SEPTIN9: variants seen among roughly 807,000 people sequenced by gnomAD.
The protein encoded by SEPTIN9 is septin 9.
A neutral mutation model predicts 56.6 loss-of-function variants in SEPTIN9; 13 were observed. That is an observed-to-expected ratio of 0.23 (90% CI 0.15 to 0.37). The LOEUF is 0.37. Among genes scored for constraint, SEPTIN9 ranks in the 10% least tolerant of loss-of-function variants. The pLI, the probability that SEPTIN9 is intolerant of heterozygous loss-of-function variation, is 1.00. For missense variants in SEPTIN9, 650 were observed against 823.1 expected, an observed-to-expected ratio of 0.79 and a Z score of 2.57; for synonymous variants, 332 against 334.1, an observed-to-expected ratio of 0.99 and a Z score of 0.07.
At chr17:77,419,061 C>T (rs2036603720) in intron 3 of SEPTIN9, among the ~76,000 whole-genome samples, 3 of 152,238 alleles carry the variant, frequency 2.0e-5, no homozygotes, top group Admixed American at 2.0e-4. Context: ...TAGCAGCCTG[C>T]CCTGTCTCTT....
In SEPTIN9 at chr17:77,425,121, C is replaced by G. The variant is rs886374203; in HGVS notation, c.721+22418C>G. On this transcript the variant is annotated intron_variant, in intron 3 of 11. Coordinates refer to ENST00000427177, the MANE Select transcript of SEPTIN9 (RefSeq NM_001113491.2). This position sits in a 1 kb window ranked among gnomAD's most constrained non-coding sequence, Gnocchi z 4.2. ...CAGTCCCCCCACCCCCGGGGCTGTT[C>G]CTGGCGCCCTGCCCTCCCCCAGAGC... Among the ~76,000 whole-genome samples the G allele has an allele frequency of 6.6e-6, 1 of 152,168 alleles. No homozygotes were observed. The highest frequency in any genetic ancestry group is 1.5e-5 in the Non-Finnish European group (1 of 68,020).
chr17:77,447,827 G>A (rs949706736), intron 3 of SEPTIN9, among the ~76,000 whole-genome samples: 2 of 152,190 alleles, frequency 1.3e-5, no homozygotes, highest in Admixed American at 6.5e-5. Context: ...GTTTCACCAT[G>A]TTGGTCAGGC....
intron 3 of SEPTIN9, among the ~76,000 whole-genome samples, chr17:77,423,185 A>G (rs1272459599): frequency 6.6e-6 from 1 of 151,990 alleles, no homozygotes; most frequent in Non-Finnish European, 1.5e-5. Context: ...ACAGGCTCAC[A>G]CCACCACACC....
intron 1 of SEPTIN9, chr17:77,287,895 G>C: frequency 9.6e-7 from 1 of 1,036,630 alleles, no homozygotes; most frequent in Non-Finnish European, 1.2e-6. Flanking sequence ...CAAGTCACTG[G>C]GCGGCCCTTA....
intron 3 of SEPTIN9, among the ~76,000 whole-genome samples, chr17:77,439,938 T>A (rs2037483829): frequency 1.3e-5 from 2 of 152,104 alleles, no homozygotes; most frequent in South Asian, 4.1e-4. Flanking sequence ...ATTTTAACTT[T>A]TATGTCTCCT....
intron 2 of SEPTIN9, among the ~76,000 whole-genome samples, chr17:77,377,513 T>C (rs1309527809): frequency 6.6e-6 from 1 of 151,696 alleles, no homozygotes; most frequent in Non-Finnish European, 1.5e-5. Flanking sequence ...GTTGAAACAA[T>C]CTGGCCCAGG....
At position 77,354,543 on chromosome 17, in the gene SEPTIN9, G is replaced by T. The variant is rs571544198; in HGVS notation, c.76+47346G>T. Among the ~76,000 whole-genome samples the T allele has an allele frequency of 2.0e-4, 30 of 152,244 alleles. 1 individual carries two copies. In the East Asian group the frequency reaches 5.2e-3, roughly 27 times the overall value. ...CTTTCCAGCTGGGGGAGGGCTGAAC[G>T]ACCCCTCACTCTTGGAGGCTGCCGG... On this transcript the variant is annotated intron_variant, in intron 2 of 11. Coordinates refer to ENST00000427177, the MANE Select transcript of SEPTIN9 (RefSeq NM_001113491.2).
rs140277665 is a variant in SEPTIN9 at position 77,481,450 on chromosome 17, G to A, written c.722-694G>A. ...GGAACAGCTCTGCATCCAGGCACCC[G>A]CCCTGCACCCAGCACTTTTCCTTCT... is the stretch of plus-strand genomic sequence containing the variant. On this transcript the variant is annotated intron_variant, in intron 3 of 11. Transcript: ENST00000427177. Among the ~76,000 whole-genome samples the A allele has an allele frequency of 6.3e-3, 958 of 152,292 alleles. 4 individuals carry two copies. Among genetic ancestry groups the A allele is most frequent in the Non-Finnish European group, 9.7e-3 (660 of 68,024 alleles).
intron 2 of SEPTIN9, among the ~76,000 whole-genome samples, chr17:77,332,003 T>TTGA (rs2033382604): frequency 2.6e-5 from 4 of 152,188 alleles, no homozygotes; most frequent in Non-Finnish European, 4.4e-5. Flanking sequence ...GGGCTGAGTG[T>TTGA]GGTGGCTCAT....
At chr17:77,404,227 T>G (rs312858) in intron 3 of SEPTIN9, among the ~76,000 whole-genome samples, 125,791 of 152,120 alleles carry the variant, frequency 0.83, 52,474 homozygotes, top group African/African-American at 0.94. Context: ...TCTAAGTCCC[T>G]CTTTCCATCT....
intron 2 of SEPTIN9, among the ~76,000 whole-genome samples, chr17:77,383,844 C>T (rs72896155): frequency 3.9e-5 from 6 of 152,360 alleles, no homozygotes; most frequent in East Asian, 1.9e-4. Flanking sequence ...CTTGCCCACA[C>T]GGCAATGTGG....
chr17:77,479,217 G>A (rs574454689), intron 3 of SEPTIN9, among the ~76,000 whole-genome samples: 84 of 152,370 alleles, frequency 5.5e-4, no homozygotes, highest in Non-Finnish European at 8.2e-4. Flanking sequence ...GAGCAGCGCA[G>A]GCCTCGGACG....
intron 1 of SEPTIN9, among the ~76,000 whole-genome samples, chr17:77,291,215 T>C (rs1354578401): frequency 6.6e-6 from 1 of 151,242 alleles, no homozygotes; most frequent in African/African-American, 2.4e-5. Flanking sequence ...TTTGTATTTT[T>C]AGTAGGGACG....
chr17:77,372,638 T>C (rs940469966), intron 2 of SEPTIN9, among the ~76,000 whole-genome samples: 1 of 152,210 alleles, frequency 6.6e-6, no homozygotes, highest in African/African-American at 2.4e-5. Context: ...CTGACAGCCG[T>C]GTTCCATCCC....
At chr17:77,458,474 C>T (rs894172181) in intron 3 of SEPTIN9, among the ~76,000 whole-genome samples, 6 of 152,196 alleles carry the variant, frequency 3.9e-5, no homozygotes, top group Admixed American at 6.5e-5. Flanking sequence ...GAGTGACTGC[C>T]GGGTCCATTT....
chr17:77,291,983 GC>G, intron 1 of SEPTIN9, among the ~76,000 whole-genome samples: 1 of 152,226 alleles, frequency 6.6e-6, no homozygotes, highest in Non-Finnish European at 1.5e-5. Flanking sequence ...CCCTGCGAAG[GC>G]CCAGGGCTTC....
intron 2 of SEPTIN9, among the ~76,000 whole-genome samples, chr17:77,311,440 A>G (rs1029094216): frequency 2.6e-5 from 4 of 152,168 alleles, no homozygotes; most frequent in Admixed American, 1.3e-4. Flanking sequence ...CAAGCACTGC[A>G]GGTGTCTCTG....
intron 1 of SEPTIN9, among the ~76,000 whole-genome samples, chr17:77,300,086 G>A (rs889899506): frequency 6.6e-6 from 1 of 152,202 alleles, no homozygotes; most frequent in Non-Finnish European, 1.5e-5. Flanking sequence ...CCCTGACCTT[G>A]ACACAGGGTG....
At chr17:77,294,119 ACAAC>A (rs1212643980) in intron 1 of SEPTIN9, among the ~76,000 whole-genome samples, 30 of 148,882 alleles carry the variant, frequency 2.0e-4, no homozygotes, top group African/African-American at 7.2e-4. Context: ...AAAAAAAAAA[ACAAC>A]AAAAAAAAAC....
Sources: gnomAD v4.1 joint callset for allele counts (sites outside exome capture counted in the v4.1 genomes callset) on GRCh38, gnomAD v4.1.1 for gene constraint, Gnocchi (gnomAD v3.1) non-coding constraint, MANE v1.5 for transcripts, NCBI Gene and HGNC (gene_info 2026-07-23, HGNC 2026-07-21) for gene names.